NOTCH2: variants seen among roughly 807,000 people sequenced by gnomAD.
The protein encoded by NOTCH2 is notch receptor 2, also known as neurogenic locus notch homolog protein 2.
A neutral mutation model predicts 235.8 loss-of-function variants in NOTCH2; 29 were observed. The observed-to-expected ratio is 0.12, with a 90% confidence interval of 0.09 to 0.17. The LOEUF is 0.17. Among genes scored for constraint, NOTCH2 ranks in the 10% least tolerant of loss-of-function variants. The pLI, the probability that NOTCH2 is intolerant of heterozygous loss-of-function variation, is 1.00. For missense variants in NOTCH2, 2,285 were observed against 3,150.2 expected (o/e 0.73, Z 6.57); for synonymous variants, 1,086 against 1,141.5 (o/e 0.95, Z 0.98).
At chr1:119,981,790 A>T (rs587648921) in intron 5 of NOTCH2, among the ~76,000 whole-genome samples, 1 of 152,278 alleles carries the variant, frequency 6.6e-6, no homozygotes, top group African/African-American at 2.4e-5. Flanking sequence ...GGCTTATTAT[A>T]CTTCTCACAA....
chr1:119,946,977 C>G (rs1553197108), intron 17 of NOTCH2, among the ~76,000 whole-genome samples: 1 of 152,030 alleles, frequency 6.6e-6, no homozygotes, highest in Non-Finnish European at 1.5e-5. Flanking sequence ...TAGTTTAGTA[C>G]AGTAAGAAAA....
At chr1:119,920,067 T>C (rs1313142049) in intron 30 of NOTCH2, among the ~76,000 whole-genome samples, 162 bp downstream of exon 30, 5 of 152,192 alleles carry the variant, frequency 3.3e-5, no homozygotes, top group African/African-American at 1.2e-4. Flanking sequence ...AGCTGATAAT[T>C]TCTTTGTGGC....
intron 9 of NOTCH2, 42 bp from the exon 10 acceptor site, chr1:119,965,608 T>C: frequency 7.7e-7 from 1 of 1,300,090 alleles, no homozygotes; most frequent in Non-Finnish European, 1.1e-6. Flanking sequence ...AGGATTATCT[T>C]GTGTCTCCCT....
At position 119,948,463 on chromosome 1, in the gene NOTCH2, T is replaced by A. The variant is rs1357387484; in HGVS notation, c.2703A>T (p.Pro901=). The change falls in exon 17 of 34, where the codon CCA becomes CCT. Residue 901 remains proline, a synonymous_variant. Coordinates refer to ENST00000256646, the MANE Select transcript of NOTCH2 (RefSeq NM_024408.4). ...TQGSYMCECP[P]GFSGMDCEED... ...CCTCACAGTCCATACCACTGAAGCC[T>A]GGTGGACATTCACACATGTAGCTGC... 3 of 1,614,210 alleles carry A rather than the reference T, an allele frequency of 1.9e-6. No individual in the cohort carries two copies. The highest frequency in any genetic ancestry group is 2.5e-6 in the Non-Finnish European group (3 of 1,180,040).
At chr1:119,939,067 T>C (rs1455938292) in intron 19 of NOTCH2, among the ~76,000 whole-genome samples, 1 of 152,148 alleles carries the variant, frequency 6.6e-6, no homozygotes, top group Non-Finnish European at 1.5e-5. Context: ...AATGTAGACA[T>C]GTCCACTTCA....
At chr1:119,978,490 C>T (rs1553201243) in intron 5 of NOTCH2, among the ~76,000 whole-genome samples, 6 of 152,224 alleles carry the variant, frequency 3.9e-5, no homozygotes, top group Admixed American at 2.0e-4. Context: ...ACTTCAAGAA[C>T]TGCAGAGTCC....
chr1:119,976,761 C>T (rs1553200992), intron 5 of NOTCH2, among the ~76,000 whole-genome samples: 2 of 152,110 alleles, frequency 1.3e-5, no homozygotes, highest in African/African-American at 2.4e-5. Context: ...ATATCACTAG[C>T]TCCAGCCACT....
chr1:119,975,554 G>A (rs1651542193), intron 5 of NOTCH2, among the ~76,000 whole-genome samples: 2 of 151,798 alleles, frequency 1.3e-5, no homozygotes, highest in African/African-American at 4.8e-5. Flanking sequence ...GCTGAGGCAG[G>A]AGAATCGCTT....
At chr1:120,037,176 G>A (rs1467391072) in intron 1 of NOTCH2, among the ~76,000 whole-genome samples, 6 of 152,090 alleles carry the variant, frequency 3.9e-5, no homozygotes, top group Non-Finnish European at 5.9e-5. Flanking sequence ...CTGCTCAATC[G>A]GAAGGTATTT....
At position 119,969,373 on chromosome 1, in the gene NOTCH2, A is replaced by T. The variant is rs1451007671; in HGVS notation, c.1108+138T>A. On this transcript the variant is annotated intron_variant, in intron 6 of 33. Coordinates refer to ENST00000256646, the MANE Select transcript of NOTCH2 (RefSeq NM_024408.4). ...CATAGCACTTTGGCTAGCAGGTTAC[A>T]TTTCTGGAACAGTCCTGAGTGATAT... 1.3e-5 allele frequency: 10 copies of T among 773,520 alleles called. No homozygotes were observed. In the African/African-American group the frequency reaches 1.7e-4, roughly 13 times the overall value. The allele number at this position is 773,520 out of a possible 1,614,324, so 47.9% of individuals were successfully genotyped here.
At position 120,051,257 on chromosome 1, in the gene NOTCH2, A is replaced by ACACACACACACG. The variant is rs1654978863; in HGVS notation, c.73+18076_73+18077insCGTGTGTGTGTG. Among the ~76,000 whole-genome samples, 7 of 103,064 alleles carry ACACACACACACG rather than the reference A, an allele frequency of 6.8e-5. No homozygotes were observed. In the South Asian group the frequency reaches 2.4e-3, roughly 36 times the overall value. The allele number at this position is 103,064 out of a possible 152,430, so 67.6% of individuals were successfully genotyped here. A position where few individuals can be genotyped will look rare whatever the true frequency, so the allele number is the denominator to read the frequency against. On this transcript the variant is annotated intron_variant, in intron 1 of 33. Transcript: ENST00000256646. Reference sequence around the variant, plus strand: ...CACACACACACACACACACACACACACACACACACACACACACGCACACAC... The same window carrying ACACACACACACG: ...CACACACACACACACACACACACACACACACACACACGCACACACACACACACACGCACACAC...
chr1:119,959,355 G>A, intron 12 of NOTCH2, 37 bp downstream of exon 12: 1 of 1,076,538 alleles, frequency 9.3e-7, no homozygotes, highest in Non-Finnish European at 1.5e-6. Flanking sequence ...AAAGTGATAG[G>A]GCTGAAGGAG....
Position 119,912,278 on chromosome 1 carries a change from A to C in NOTCH2, c.*3028T>G, listed in dbSNP as rs1648920875. ...TACACAAGGAAGTAACCATAGTACC[A>C]CTTATTAGTGGGGGCCTCTGGGTAC... On this transcript the variant is annotated 3_prime_UTR_variant, in exon 34 of 34. Coordinates refer to ENST00000256646, the MANE Select transcript of NOTCH2 (RefSeq NM_024408.4). 1 of 233,248 alleles carries C rather than the reference A, an allele frequency of 4.3e-6. No individual in the cohort carries two copies. The highest frequency in any genetic ancestry group is 8.5e-6 in the Non-Finnish European group (1 of 117,876). 14.4% of individuals were successfully genotyped at this position (233,248 alleles called of 1,614,324 possible). A position where few individuals can be genotyped will look rare whatever the true frequency, so the allele number is the denominator to read the frequency against.
chr1:119,956,115 T>C (rs1215782313), intron 12 of NOTCH2, among the ~76,000 whole-genome samples: 4 of 152,228 alleles, frequency 2.6e-5, no homozygotes, highest in African/African-American at 4.8e-5. Flanking sequence ...CTCCAAGACA[T>C]AGCCAAGATT....
chr1:119,968,405 C>T (rs1230751636), intron 6 of NOTCH2, among the ~76,000 whole-genome samples, 173 bp from the exon 7 acceptor site: 1 of 152,158 alleles, frequency 6.6e-6, no homozygotes, highest in Non-Finnish European at 1.5e-5. Context: ...TGCTTGGCCA[C>T]CAGCAAAGCA....
In NOTCH2 at chr1:119,948,654, A is replaced by C. The variant is rs185516856; in HGVS notation, c.2600-88T>G. ...CAGGACCTGAGCTTAGTTGGGGTGC[A>C]TGGAGCTATTCCACAGACAAACTGG... On this transcript the variant is annotated intron_variant, in intron 16 of 33. Coordinates refer to ENST00000256646, the MANE Select transcript of NOTCH2 (RefSeq NM_024408.4). 14 of 1,459,286 alleles carry C rather than the reference A, an allele frequency of 9.6e-6. No individual in the cohort carries two copies. The East Asian group carries it at 3.2e-4, about 33-fold the overall frequency. 90.4% of individuals were successfully genotyped at this position (1,459,286 alleles called of 1,614,324 possible). A position where few individuals can be genotyped will look rare whatever the true frequency, so the allele number is the denominator to read the frequency against.
At chr1:119,962,504 G>A (rs587596683) in intron 11 of NOTCH2, among the ~76,000 whole-genome samples, 1 of 152,294 alleles carries the variant, frequency 6.6e-6, no homozygotes, top group South Asian at 2.1e-4. Flanking sequence ...GATGTTTTTC[G>A]TATGCTTGAG....
intron 10 of NOTCH2, 118 bp downstream of exon 10, chr1:119,965,335 A>T: frequency 1.2e-6 from 1 of 859,478 alleles, no homozygotes. Flanking sequence ...CTTCCTAAAC[A>T]CAGAGGAGCC....
chr1:119,979,353 C>G (rs1458866228), intron 5 of NOTCH2, among the ~76,000 whole-genome samples: 2 of 152,132 alleles, frequency 1.3e-5, no homozygotes, highest in African/African-American at 4.8e-5. Flanking sequence ...CCCAGTGTTA[C>G]TTATGAAAAA....
Sources: allele counts gnomAD v4.1 joint callset (sites outside exome capture counted in the v4.1 genomes callset), GRCh38; gene constraint gnomAD v4.1.1; transcripts MANE v1.5; gene names NCBI Gene and HGNC (gene_info 2026-07-23, HGNC 2026-07-21).